SRGAP1: variants seen among roughly 807,000 people sequenced by gnomAD.
The protein encoded by SRGAP1 is SLIT-ROBO Rho GTPase-activating protein 1.
A neutral mutation model predicts 121.9 loss-of-function variants in SRGAP1; 43 were observed. The observed-to-expected ratio is 0.35, with a 90% CI of 0.28 to 0.46. The LOEUF (loss-of-function observed/expected upper bound fraction) is 0.46, where lower values mean the gene tolerates loss of function less well. Among genes scored for constraint, SRGAP1 ranks in the 20% least tolerant of loss-of-function variants. The pLI is 1.00. For synonymous variants in SRGAP1, 447 were observed against 485.4 expected, an observed-to-expected ratio of 0.92 and a Z score of 1.04; for missense variants, 1,102 against 1,350.9, an observed-to-expected ratio of 0.82 and a Z score of 2.89.
At chr12:64,118,250 C>A (rs752497786) in intron 18 of SRGAP1, among the ~76,000 whole-genome samples, 3 of 152,020 alleles carry the variant, frequency 2.0e-5, no homozygotes. Context: ...TCCTTGGCAA[C>A]GCTTATCTTT....
intron 4 of SRGAP1, among the ~76,000 whole-genome samples, chr12:64,018,307 T>C (rs979801578): frequency 6.6e-6 from 1 of 152,134 alleles, no homozygotes. Flanking sequence ...GCCAGGCTGG[T>C]TTCAAGCTCC....
intron 1 of SRGAP1, among the ~76,000 whole-genome samples, chr12:63,934,225 C>T (rs903078858): frequency 6.6e-6 from 1 of 152,168 alleles, no homozygotes; most frequent in Non-Finnish European, 1.5e-5. Context: ...GAGAGCCCAT[C>T]CATTGTGTTG....
chr12:63,893,083 T>C (rs959935272), intron 1 of SRGAP1, among the ~76,000 whole-genome samples: 3 of 152,226 alleles, frequency 2.0e-5, no homozygotes, highest in Non-Finnish European at 4.4e-5. Flanking sequence ...AAGCTATTGC[T>C]ACATGAATCC....
chr12:63,969,451 TAA>T (rs2032877118), intron 1 of SRGAP1, among the ~76,000 whole-genome samples: 1 of 151,858 alleles, frequency 6.6e-6, no homozygotes, highest in East Asian at 1.9e-4. Context: ...GGCCCAAGAG[TAA>T]AGTCTGATAC....
intron 1 of SRGAP1, among the ~76,000 whole-genome samples, chr12:63,955,087 G>A (rs931585742): frequency 1.3e-5 from 2 of 152,214 alleles, no homozygotes; most frequent in African/African-American, 4.8e-5. Context: ...GGAGCCCGAG[G>A]TGGGCGGATC....
chr12:64,142,190 C>T, intron 21 of SRGAP1, 105 bp from the exon 22 acceptor site: 1 of 1,170,610 alleles, frequency 8.5e-7, no homozygotes, highest in South Asian at 1.5e-5. Flanking sequence ...CAAAGATATC[C>T]ATACTCTGCT....
intron 18 of SRGAP1, among the ~76,000 whole-genome samples, chr12:64,122,512 A>G (rs966730364): frequency 2.0e-5 from 3 of 152,224 alleles, no homozygotes; most frequent in African/African-American, 4.8e-5. Flanking sequence ...AGGATTGCCA[A>G]TAAAATGTTC....
intron 1 of SRGAP1, among the ~76,000 whole-genome samples, chr12:63,855,193 C>T (rs1293840997): frequency 6.6e-6 from 1 of 152,146 alleles, no homozygotes; most frequent in Non-Finnish European, 1.5e-5. Flanking sequence ...CTTGTCTACT[C>T]TTTGAAACCA....
chr12:63,969,639 A>G (rs1026085296), intron 1 of SRGAP1, among the ~76,000 whole-genome samples: 5 of 151,882 alleles, frequency 3.3e-5, no homozygotes, highest in Non-Finnish European at 5.9e-5. Flanking sequence ...TAAAAATACA[A>G]AAAAATTAGC....
intron 2 of SRGAP1, among the ~76,000 whole-genome samples, chr12:63,985,204 A>G (rs2033381928): frequency 6.6e-6 from 1 of 152,150 alleles, no homozygotes; most frequent in Admixed American, 6.5e-5. Context: ...GACCTGAAGG[A>G]CTAGTTGGTC....
At chr12:64,100,982 G>C (rs1010039344) in intron 15 of SRGAP1, among the ~76,000 whole-genome samples, 4 of 152,160 alleles carry the variant, frequency 2.6e-5, no homozygotes, top group Admixed American at 1.3e-4. Context: ...TAGGGATTCA[G>C]AGACTTGATT....
intron 1 of SRGAP1, among the ~76,000 whole-genome samples, chr12:63,964,531 T>A (rs2032732344): frequency 6.6e-6 from 1 of 152,094 alleles, no homozygotes; most frequent in African/African-American, 2.4e-5. Context: ...CATCTAGTAT[T>A]CTCAATTGAC....
chr12:64,127,712 G>A lies in SRGAP1; in HGVS notation c.2528G>A (p.Gly843Asp), dbSNP rs912676089. Residue 843 changes from glycine (G) to aspartate (D), a missense_variant, in exon 20 of 22, where the codon GGC becomes GAC. This residue lies in a region of SRGAP1 where 315 missense variants were observed against 343.1 expected (regional missense o/e 0.92). Coordinates refer to ENST00000355086, the MANE Select transcript of SRGAP1 (RefSeq NM_020762.4). ...MNSPTDRHPD[G>D]YLARQRKRGE... ...TCCCCGACAGACCGTCATCCTGACG[G>A]CTATTTAGCCAGGTAAGTAGAGCCT... 1 of 1,614,048 alleles carries A rather than the reference G, an allele frequency of 6.2e-7. No individual in the cohort carries two copies. Among genetic ancestry groups the A allele is most frequent in the African/African-American group, 1.3e-5 (1 of 75,030 alleles).
intron 17 of SRGAP1, among the ~76,000 whole-genome samples, chr12:64,113,025 G>A (rs570761350): frequency 2.0e-5 from 3 of 151,976 alleles, no homozygotes; most frequent in Non-Finnish European, 2.9e-5. Context: ...AAGATCATTT[G>A]AGCCCAGGAG....
At chr12:64,071,600 C>T (rs556494881) in intron 8 of SRGAP1, among the ~76,000 whole-genome samples, 2 of 152,306 alleles carry the variant, frequency 1.3e-5, no homozygotes, top group African/African-American at 4.8e-5. Flanking sequence ...CACTCAGTGT[C>T]AGGTCCACCC....
chr12:63,989,596 C>A (rs538962419), intron 2 of SRGAP1, among the ~76,000 whole-genome samples: 2 of 152,308 alleles, frequency 1.3e-5, no homozygotes, highest in African/African-American at 2.4e-5. Flanking sequence ...TTCAATGGAG[C>A]GTTTAAAGCT....
chr12:63,968,820 A>G (rs1378190169), intron 1 of SRGAP1, among the ~76,000 whole-genome samples: 1 of 152,200 alleles, frequency 6.6e-6, no homozygotes, highest in Non-Finnish European at 1.5e-5. Context: ...ACTGGGCCTG[A>G]AGTGCCCTGC....
chr12:64,062,422 TA>T (rs1386213269), intron 6 of SRGAP1, among the ~76,000 whole-genome samples: 1 of 152,262 alleles, frequency 6.6e-6, no homozygotes, highest in East Asian at 1.9e-4. Flanking sequence ...GAGTTCTTTA[TA>T]TATTCTAGAT....
At chr12:64,060,138 T>C (rs2035419211) in intron 6 of SRGAP1, among the ~76,000 whole-genome samples, 1 of 151,746 alleles carries the variant, frequency 6.6e-6, no homozygotes, top group Admixed American at 6.6e-5. Flanking sequence ...CTGCATTTCT[T>C]TTTTTTTCTT....
Sources: allele counts gnomAD v4.1 joint callset (sites outside exome capture counted in the v4.1 genomes callset), GRCh38; gene constraint gnomAD v4.1.1; regional missense constraint gnomAD v4.1.1; transcripts MANE v1.5; gene names NCBI Gene and HGNC (gene_info 2026-07-23, HGNC 2026-07-21).